MECOM: variants seen among roughly 807,000 people sequenced by gnomAD.
The protein encoded by MECOM is histone-lysine N-methyltransferase MECOM.
MECOM carries 13 observed loss-of-function variants against 116.3 expected under a neutral mutation model. The ratio of observed to expected loss-of-function variants is 0.11; its 90% CI spans 0.07 to 0.18. MECOM has a LOEUF of 0.18. Ranked by LOEUF, MECOM falls within the 10% of genes least tolerant of loss-of-function variation. The probability of loss-of-function intolerance (pLI) is 1.00; values close to 1 mark genes in which losing one functional copy is unlikely to be tolerated. For missense variants in MECOM, 1,299 were observed against 1,509.0 expected (o/e 0.86, Z 2.31); for synonymous variants, 528 against 535.2 (o/e 0.99, Z 0.19).
chr3:169,272,382 C>T (rs1759059989), intron 2 of MECOM, among the ~76,000 whole-genome samples: 1 of 152,132 alleles, frequency 6.6e-6, no homozygotes, highest in Non-Finnish European at 1.5e-5. Context: ...CCTTAGCAGT[C>T]ACCTTAGCCC....
intron 2 of MECOM, among the ~76,000 whole-genome samples, chr3:169,220,552 G>A (rs926894340): frequency 4.6e-5 from 7 of 151,988 alleles, no homozygotes; most frequent in African/African-American, 1.7e-4. Context: ...TTGGCTCACT[G>A]CAACCTCCGC....
At chr3:169,215,287 AT>A (rs1343431258) in intron 2 of MECOM, among the ~76,000 whole-genome samples, 1 of 148,554 alleles carries the variant, frequency 6.7e-6, no homozygotes, top group Non-Finnish European at 1.5e-5. Flanking sequence ...AAAAGAAGCA[AT>A]TTTACATGGT....
chr3:169,606,408 CAAAAAA>C (rs774934955), intron 1 of MECOM, among the ~76,000 whole-genome samples: 1 of 110,462 alleles, frequency 9.1e-6, no homozygotes, highest in Non-Finnish European at 1.9e-5. Context: ...GTCTTCGTCT[CAAAAAA>C]AAAAAAAAAG....
intron 1 of MECOM, among the ~76,000 whole-genome samples, chr3:169,654,294 T>C (rs1158160632): frequency 6.6e-6 from 1 of 152,198 alleles, no homozygotes; most frequent in African/African-American, 2.4e-5. Flanking sequence ...CTCATGATAA[T>C]AAACAGAGCA....
At chr3:169,433,868 CA>C (rs1171876105) in intron 1 of MECOM, among the ~76,000 whole-genome samples, 1 of 151,986 alleles carries the variant, frequency 6.6e-6, no homozygotes, top group Non-Finnish European at 1.5e-5. Context: ...GCAGGAGATT[CA>C]AAGATCACAT....
At chr3:169,292,391 G>A (rs1030106979) in intron 2 of MECOM, among the ~76,000 whole-genome samples, 1 of 152,054 alleles carries the variant, frequency 6.6e-6, no homozygotes, top group Non-Finnish European at 1.5e-5. Context: ...ACTGATAGAT[G>A]ATGAAGCAAG....
At chr3:169,154,541 C>A (rs982173377) in intron 2 of MECOM, among the ~76,000 whole-genome samples, 40 of 152,204 alleles carry the variant, frequency 2.6e-4, no homozygotes, top group African/African-American at 8.9e-4. Flanking sequence ...GATCCTCTGA[C>A]CACCATTCAC....
At chr3:169,396,730 G>A (rs751803541) in intron 1 of MECOM, among the ~76,000 whole-genome samples, 3 of 152,130 alleles carry the variant, frequency 2.0e-5, no homozygotes, top group Non-Finnish European at 2.9e-5. Context: ...CAGCACTTTG[G>A]GAGGCCCAGG....
chr3:169,375,342 G>A (rs553062615), intron 2 of MECOM, among the ~76,000 whole-genome samples: 2 of 151,806 alleles, frequency 1.3e-5, no homozygotes, highest in African/African-American at 4.8e-5. Flanking sequence ...AACTGAAGAA[G>A]ATAGAAATAT....
rs556612763 is a variant in MECOM at position 169,201,094 on chromosome 3, G to A, written c.376-57262C>T. 7.2e-5 allele frequency among the ~76,000 whole-genome samples: 11 copies of A among 152,190 alleles called. No individual in the cohort carries two copies. The South Asian group carries it at 1.9e-3, about 26-fold the overall frequency. ...TCAATGTTTATTCAGTTGCATGTAC[G>A]TCTTTCAAGTGTGTCCTATGAGAAT... On this transcript the variant is annotated intron_variant, in intron 2 of 16. Transcript: ENST00000651503.
chr3:169,544,988 G>A (rs1476833797), intron 1 of MECOM, among the ~76,000 whole-genome samples: 6 of 151,998 alleles, frequency 3.9e-5, no homozygotes, highest in Admixed American at 3.9e-4. Context: ...GTATACCTAT[G>A]TAACAAACCT....
chr3:169,638,983 T>C (rs1773145244), intron 1 of MECOM, among the ~76,000 whole-genome samples: 1 of 132,596 alleles, frequency 7.5e-6, no homozygotes, highest in African/African-American at 2.7e-5. Context: ...ATGTATCTTC[T>C]CCAAGGTCTC....
intron 2 of MECOM, among the ~76,000 whole-genome samples, chr3:169,365,789 A>G (rs1729060324): frequency 6.6e-6 from 1 of 152,006 alleles, no homozygotes; most frequent in Admixed American, 6.6e-5. Flanking sequence ...GTGCAAGTAA[A>G]TGTGTATGCA....
At chr3:169,495,838 A>G (rs1198103267) in intron 1 of MECOM, among the ~76,000 whole-genome samples, 1 of 152,136 alleles carries the variant, frequency 6.6e-6, no homozygotes, top group Non-Finnish European at 1.5e-5. Flanking sequence ...CTAGCTGAAA[A>G]CTTTCAGCAG....
intron 2 of MECOM, among the ~76,000 whole-genome samples, chr3:169,345,811 C>T (rs1302438110): frequency 6.6e-6 from 1 of 152,050 alleles, no homozygotes; most frequent in Non-Finnish European, 1.5e-5. Flanking sequence ...AAGTAAATGC[C>T]TTGAAGTGAT....
At chr3:169,109,857 G>T (rs1288274832) in intron 9 of MECOM, among the ~76,000 whole-genome samples, 2 of 152,128 alleles carry the variant, frequency 1.3e-5, no homozygotes, top group Non-Finnish European at 2.9e-5. Context: ...ATTATGGAAT[G>T]GGAAGGAATA....
At chr3:169,486,203 C>T (rs933355677) in intron 1 of MECOM, among the ~76,000 whole-genome samples, 2 of 151,062 alleles carry the variant, frequency 1.3e-5, no homozygotes, top group African/African-American at 4.9e-5. Context: ...AAATTATATT[C>T]AACCCAAGCA....
intron 1 of MECOM, among the ~76,000 whole-genome samples, chr3:169,546,883 T>C (rs1011301301): frequency 6.6e-6 from 1 of 152,230 alleles, no homozygotes. Context: ...CAATATGTGA[T>C]GGAGCTGTTG....
chr3:169,475,497 C>T (rs544586558), intron 1 of MECOM, among the ~76,000 whole-genome samples: 35 of 152,092 alleles, frequency 2.3e-4, no homozygotes, highest in Non-Finnish European at 2.9e-4. Context: ...GCCAGGAATA[C>T]GGGCTGCCCT....
Sources: gnomAD v4.1 joint callset for allele counts (sites outside exome capture counted in the v4.1 genomes callset) on GRCh38, gnomAD v4.1.1 for gene constraint, MANE v1.5 for transcripts, NCBI Gene and HGNC (gene_info 2026-07-23, HGNC 2026-07-21) for gene names.